LYST: variants seen among roughly 807,000 people sequenced by gnomAD.
The protein encoded by LYST is lysosomal trafficking regulator, also known as lysosomal-trafficking regulator.
LYST carries 192 observed loss-of-function variants against 413.6 expected under a neutral mutation model. The observed-to-expected ratio is 0.46, with a 90% confidence interval of 0.41 to 0.52. The LOEUF (loss-of-function observed/expected upper bound fraction) is 0.52, where lower values mean the gene tolerates loss of function less well. LYST is among the 20% of genes least tolerant of loss of function. The pLI, the probability that LYST is intolerant of heterozygous loss-of-function variation, is 0.00. For synonymous variants in LYST, 1,525 were observed against 1,567.3 expected (o/e 0.97, Z 0.64); for missense variants, 3,815 against 4,499.9 (o/e 0.85, Z 4.35).
chr1:235,842,021 A>AT (rs1382046373), intron 1 of LYST, among the ~76,000 whole-genome samples: 3 of 152,006 alleles, frequency 2.0e-5, no homozygotes, highest in African/African-American at 7.3e-5. Flanking sequence ...GGTGGTATGG[A>AT]TTTTTTCAGC....
Position 235,689,488 on chromosome 1 carries a change from G to C in LYST, c.10702-2441C>G, listed in dbSNP as rs1660485323. The stretch of plus-strand genomic sequence containing the variant: ...GAGTAGCAGTAGCCAGGGGCTGAGA[G>C]TGCTGGTAATGTGTGTGGAATGGAG... On this transcript the variant is annotated intron_variant, in intron 47 of 52. Transcript: ENST00000389793. Among the ~76,000 whole-genome samples the C allele has an allele frequency of 3.3e-5, 5 of 152,318 alleles. 1 individual carries two copies. In the South Asian group the frequency reaches 1.0e-3, roughly 32 times the overall value.
chr1:235,879,432 A>G (rs1233002980), intron 1 of LYST, among the ~76,000 whole-genome samples: 2 of 152,206 alleles, frequency 1.3e-5, no homozygotes, highest in Non-Finnish European at 2.9e-5. Flanking sequence ...CACCTCAAGA[A>G]CTGCTGAGTG....
Position 235,712,137 on chromosome 1 carries a change from G to A in LYST, c.9845C>T (p.Ser3282Leu). 1 of 1,578,184 alleles carries A rather than the reference G, an allele frequency of 6.3e-7. No individual in the cohort carries two copies. The highest frequency in any genetic ancestry group is 8.6e-7 in the Non-Finnish European group (1 of 1,157,396). Residue 3282 changes from serine (S) to leucine (L), a missense_variant, in exon 43 of 53, where the codon TCA becomes TTA. By Grantham distance (145) the Ser-to-Leu change is moderately radical (BLOSUM62 -2). Coordinates refer to ENST00000389793, the MANE Select transcript of LYST (RefSeq NM_000081.4). ...CACATCAGTCATAGATTCAAAAGAT[G>A]AGAGTCGCCAAGTTGTATTTGTAGA... ...FHSTNTTWRL[S>L]SFESMTDVKE...
intron 3 of LYST, chr1:235,829,116 A>G (rs1446391184): frequency 6.6e-6 from 1 of 152,254 alleles, no homozygotes; most frequent in Non-Finnish European, 1.5e-5. Context: ...AGACACAAGA[A>G]TCACTTGAAC....
upstream of LYST, among the ~76,000 whole-genome samples, chr1:235,871,466 A>G (rs1250965087): frequency 6.6e-6 from 1 of 152,258 alleles, no homozygotes; most frequent in African/African-American, 2.4e-5. Context: ...GAAATGTCCT[A>G]GTACTTTAAG....
intron 36 of LYST, 140 bp downstream of exon 36, chr1:235,730,707 T>C (rs1664309797): frequency 4.5e-6 from 3 of 672,574 alleles, no homozygotes; most frequent in Non-Finnish European, 7.8e-6. Flanking sequence ...TTTGGCCATA[T>C]AACCTTGTCC....
chr1:235,825,076 AC>A (rs1675187732), intron 3 of LYST, among the ~76,000 whole-genome samples: 1 of 152,176 alleles, frequency 6.6e-6, no homozygotes, highest in Non-Finnish European at 1.5e-5. Flanking sequence ...AAGATAACTT[AC>A]CTACATTACA....
intron 16 of LYST, 141 bp downstream of exon 16, chr1:235,780,724 G>GA (rs1455783053): frequency 7.4e-6 from 3 of 404,648 alleles, no homozygotes; most frequent in Non-Finnish European, 1.3e-5. Context: ...ATTTTTTTCA[G>GA]AAAAAAACAT....
intron 16 of LYST, among the ~76,000 whole-genome samples, chr1:235,780,413 AAAAT>A (rs2103473332): frequency 6.6e-6 from 1 of 151,806 alleles, no homozygotes; most frequent in African/African-American, 2.4e-5. Flanking sequence ...CTTAAAAAAA[AAAAT>A]AAAAAATAAA....
chr1:235,739,888 C>T (rs1317796987), intron 31 of LYST, among the ~76,000 whole-genome samples: 8 of 152,052 alleles, frequency 5.3e-5, no homozygotes, highest in Admixed American at 4.6e-4. Flanking sequence ...TCAACGACAA[C>T]CACAGTTAAA....
chr1:235,846,912 T>G (rs1424372993), intron 1 of LYST, among the ~76,000 whole-genome samples: 1 of 152,054 alleles, frequency 6.6e-6, no homozygotes, highest in Non-Finnish European at 1.5e-5. Flanking sequence ...TAATCAGTGT[T>G]CCTGAGGAAG....
rs200306901 is a variant in LYST at position 235,792,029 on chromosome 1, A to C, written c.4213T>G (p.Leu1405Val). The part of the protein sequence containing the change: ...LTFPLLHAPN[L>V]SNGVSSQKYP... Reference sequence around the variant, plus strand: ...TTTTGTGATGAAACACCGTTGCTTAAATTTGGAGCGTGCAGTAAAGGGAAG... The same window carrying C: ...TTTTGTGATGAAACACCGTTGCTTACATTTGGAGCGTGCAGTAAAGGGAAG... The change falls in exon 12 of 53, where the codon TTA (leucine) becomes GTA (valine). Residue 1405 changes from leucine (L) to valine (V), a missense_variant. Physicochemically the swap from Leu to Val is conservative, Grantham distance 32. Transcript: ENST00000389793. The C allele has an allele frequency of 5.6e-6, 9 of 1,614,082 alleles. No homozygotes were observed. The East Asian group carries it at 1.8e-4, about 32-fold the overall frequency.
chr1:235,777,978 A>G (rs1377574746), intron 16 of LYST, among the ~76,000 whole-genome samples: 1 of 151,592 alleles, frequency 6.6e-6, no homozygotes, highest in East Asian at 1.9e-4. Flanking sequence ...GCTGGAGTGC[A>G]GTGGCATGAC....
chr1:235,801,029 G>A lies in LYST; in HGVS notation c.3781C>T (p.Leu1261Phe). Residue 1261 changes from leucine to phenylalanine, a missense_variant, in exon 9 of 53, where the codon CTC becomes TTC. Physicochemically the swap from Leu to Phe is conservative, Grantham distance 22 (BLOSUM62 0). Coordinates refer to ENST00000389793, the MANE Select transcript of LYST (RefSeq NM_000081.4). The stretch of plus-strand genomic sequence containing the variant: ...GGATAAATTATTTCCCCTTGAGTGA[G>A]GTTTTCGAGTAAGTCATTTGGACTG... ...SSSPNDLLEN[L>F]TQGEIIYPEI... 1 of 1,613,662 alleles carries A rather than the reference G, an allele frequency of 6.2e-7. No homozygotes were observed. The highest frequency in any genetic ancestry group is 8.5e-7 in the Non-Finnish European group (1 of 1,179,764).
chr1:235,711,002 G>T (rs1289069508), intron 43 of LYST, among the ~76,000 whole-genome samples: 1 of 152,142 alleles, frequency 6.6e-6, no homozygotes, highest in Non-Finnish European at 1.5e-5. Context: ...AAACCTGAAG[G>T]CAACAGCATG....
chr1:235,855,294 C>T (rs1049313432), intron 1 of LYST, among the ~76,000 whole-genome samples: 1 of 152,128 alleles, frequency 6.6e-6, no homozygotes, highest in African/African-American at 2.4e-5. Flanking sequence ...TCATTTAATA[C>T]TAACTTTGAT....
chr1:235,728,044 T>C, intron 38 of LYST, 32 bp downstream of exon 38: 1 of 1,527,578 alleles, frequency 6.5e-7, no homozygotes, highest in Non-Finnish European at 9.1e-7. Context: ...CTGTCTAGAT[T>C]TATGTAAATA....
chr1:235,847,984 A>G (rs190290495), intron 1 of LYST, among the ~76,000 whole-genome samples: 1 of 152,336 alleles, frequency 6.6e-6, no homozygotes, highest in African/African-American at 2.4e-5. Context: ...TCAACACAGA[A>G]GGTCAACAAA....
chr1:235,676,423 T>C (rs1659384448), intron 50 of LYST, among the ~76,000 whole-genome samples: 1 of 152,084 alleles, frequency 6.6e-6, no homozygotes, highest in Non-Finnish European at 1.5e-5. Context: ...AATGGGCTAG[T>C]TTTCCAAAAA....
Sources: gnomAD v4.1 joint callset for allele counts (sites outside exome capture counted in the v4.1 genomes callset) on GRCh38, gnomAD v4.1.1 for gene constraint, MANE v1.5 for transcripts, NCBI Gene and HGNC (gene_info 2026-07-23, HGNC 2026-07-21) for gene names.